Variants in NCKAP5 observed in about 807,000 individuals in gnomAD.
NCKAP5 encodes NCK associated protein 5.
NCKAP5 carries 92 observed loss-of-function variants against 167.0 expected under a neutral mutation model. The ratio of observed to expected loss-of-function variants is 0.55; its 90% CI spans 0.47 to 0.66. The LOEUF is 0.66. NCKAP5 is among the 30% of genes least tolerant of loss of function. The pLI is 0.00. For synonymous variants in NCKAP5, 891 were observed against 877.4 expected, an observed-to-expected ratio of 1.02 and a Z score of -0.27; for missense variants, 2,378 against 2,315.0, an observed-to-expected ratio of 1.03 and a Z score of -0.56.
intron 3 of NCKAP5, among the ~76,000 whole-genome samples, chr2:133,361,721 A>T (rs1418842708): frequency 6.6e-6 from 1 of 152,224 alleles, no homozygotes; most frequent in Non-Finnish European, 1.5e-5. Flanking sequence ...TTGGGTTGTC[A>T]TCCATTACAA....
Position 132,722,248 on chromosome 2 carries a change from T to C in NCKAP5, c.5713+3379A>G, listed in dbSNP as rs151325070. ...GAGTCAGTGAATTTGTTTTAAATCT[T>C]GTCTCCTTTTTCAGGACACTTAGAC... On this transcript the variant is annotated intron_variant, in intron 19 of 19. Coordinates refer to ENST00000409261, the MANE Select transcript of NCKAP5 (RefSeq NM_207363.3). Among the ~76,000 whole-genome samples, 629 of 152,312 alleles carry C rather than the reference T, an allele frequency of 4.1e-3. 6 individuals carry two copies. The highest frequency in any genetic ancestry group is 6.8e-3 in the Middle Eastern group (2 of 294).
chr2:133,110,013 C>A (rs986426802), intron 6 of NCKAP5, among the ~76,000 whole-genome samples: 2 of 152,186 alleles, frequency 1.3e-5, no homozygotes, highest in Non-Finnish European at 2.9e-5. Context: ...AGAAGAAATG[C>A]AATCAAAGAG....
chr2:132,966,320 G>A (rs986339063), intron 7 of NCKAP5, among the ~76,000 whole-genome samples: 3 of 152,042 alleles, frequency 2.0e-5, no homozygotes, highest in Admixed American at 6.6e-5. Flanking sequence ...GGCTGGTCTC[G>A]AACTCCTGAC....
intron 8 of NCKAP5, among the ~76,000 whole-genome samples, chr2:132,946,281 G>A (rs896047272): frequency 3.9e-5 from 6 of 152,152 alleles, no homozygotes; most frequent in Non-Finnish European, 5.9e-5. Flanking sequence ...CTCTGGTAGA[G>A]CCAATATGAG....
At chr2:133,346,421 G>A (rs932308685) in intron 3 of NCKAP5, among the ~76,000 whole-genome samples, 2 of 152,184 alleles carry the variant, frequency 1.3e-5, no homozygotes, top group African/African-American at 2.4e-5. Context: ...GGCCACATAC[G>A]AGTTTGCTGA....
At chr2:133,317,499 G>A (rs1396258312) in intron 3 of NCKAP5, among the ~76,000 whole-genome samples, 1 of 152,108 alleles carries the variant, frequency 6.6e-6, no homozygotes, top group African/African-American at 2.4e-5. Context: ...TTTTGGGGTT[G>A]GGTTCTGTGC....
upstream of NCKAP5, chr2:133,568,479 A>C (rs1249725647): frequency 6.6e-6 from 1 of 152,076 alleles, no homozygotes; most frequent in Non-Finnish European, 1.5e-5. Context: ...TGTAAATACA[A>C]GCTCCGTGGA....
At position 132,934,248 on chromosome 2, in the gene NCKAP5, C is replaced by T. The variant is rs552298706; in HGVS notation, c.579+29472G>A. Among the ~76,000 whole-genome samples, 3 of 152,264 alleles carry T rather than the reference C, an allele frequency of 2.0e-5. No individual in the cohort carries two copies. The South Asian group carries it at 6.2e-4, about 32-fold the overall frequency. On this transcript the variant is annotated intron_variant, in intron 8 of 19. Coordinates refer to ENST00000409261, the MANE Select transcript of NCKAP5 (RefSeq NM_207363.3). Reference sequence around the variant, plus strand: ...CTCTGGTGATGGCAACTAGAAACTACGTGAAGTCATGGATAATTCAACATA... The same window carrying T: ...CTCTGGTGATGGCAACTAGAAACTATGTGAAGTCATGGATAATTCAACATA...
At chr2:133,654,338 A>G in the NCKAP5 span, among the ~76,000 whole-genome samples, 2 of 151,954 alleles carry the variant, frequency 1.3e-5, no homozygotes, top group African/African-American at 4.8e-5. Flanking sequence ...AGATCGCACC[A>G]CTGCACTCCA....
chr2:133,477,705 A>G (rs1383010656), intron 3 of NCKAP5, among the ~76,000 whole-genome samples: 1 of 152,158 alleles, frequency 6.6e-6, no homozygotes, highest in Non-Finnish European at 1.5e-5. Context: ...CACTCTCAAA[A>G]TATCTTACTG....
intron 4 of NCKAP5, among the ~76,000 whole-genome samples, chr2:133,238,918 C>A (rs761015333): frequency 9.9e-5 from 15 of 152,166 alleles, no homozygotes; most frequent in Non-Finnish European, 1.9e-4. Flanking sequence ...CCTTCCCATT[C>A]TCTCAGTCTG....
At chr2:133,531,283 A>G (rs968564090) in intron 2 of NCKAP5, among the ~76,000 whole-genome samples, 12 of 152,266 alleles carry the variant, frequency 7.9e-5, no homozygotes, top group African/African-American at 2.9e-4. Context: ...AAATTACTTC[A>G]ATCATTAATT....
At chr2:133,129,420 T>C (rs1574118055) in intron 6 of NCKAP5, among the ~76,000 whole-genome samples, 1 of 152,212 alleles carries the variant, frequency 6.6e-6, no homozygotes, top group South Asian at 2.1e-4. Flanking sequence ...ACAAAGGACA[T>C]GAACTCTTCA....
chr2:133,495,867 C>G (rs1373824382), intron 3 of NCKAP5, among the ~76,000 whole-genome samples: 6 of 152,180 alleles, frequency 3.9e-5, no homozygotes, highest in Admixed American at 3.3e-4. Flanking sequence ...ATGCCTGCCT[C>G]ATATAGTGTC....
chr2:132,696,018 G>A (rs919125874), intron 19 of NCKAP5, among the ~76,000 whole-genome samples: 3 of 152,114 alleles, frequency 2.0e-5, no homozygotes, highest in Non-Finnish European at 4.4e-5. Flanking sequence ...CCAACACAAG[G>A]TAATAAATCC....
At chr2:133,579,957 C>T in the NCKAP5 span, among the ~76,000 whole-genome samples, 1 of 152,116 alleles carries the variant, frequency 6.6e-6, no homozygotes, top group Admixed American at 6.5e-5. Context: ...ATATTTTTGG[C>T]TTTCATACAT....
At chr2:132,908,484 C>T (rs143019351) in intron 8 of NCKAP5, among the ~76,000 whole-genome samples, 126 of 152,260 alleles carry the variant, frequency 8.3e-4, no homozygotes, top group Middle Eastern at 3.4e-3. Context: ...ATTCTTCTAT[C>T]GAATATCCTC....
intron 16 of NCKAP5, among the ~76,000 whole-genome samples, chr2:132,741,030 T>C (rs939041523): frequency 6.6e-6 from 1 of 152,018 alleles, no homozygotes; most frequent in African/African-American, 2.4e-5. Flanking sequence ...AGGATACAAA[T>C]TGGAAATGGT....
rs550603158 is a variant in NCKAP5 at position 132,695,278 on chromosome 2, A to G, written c.5714-21973T>C. Among the ~76,000 whole-genome samples, 12 of 152,226 alleles carry G rather than the reference A, an allele frequency of 7.9e-5. No individual in the cohort carries two copies. The South Asian group carries it at 2.5e-3, about 32-fold the overall frequency. ...TTGTGAAGGAAGAAGTCTTTTCTCT[A>G]AACGGAAAAAAAAAGTCTGTTATTT... On this transcript the variant is annotated intron_variant, in intron 19 of 19. Coordinates refer to ENST00000409261, the MANE Select transcript of NCKAP5 (RefSeq NM_207363.3).
Sources: allele counts gnomAD v4.1 joint callset (sites outside exome capture counted in the v4.1 genomes callset), GRCh38; gene constraint gnomAD v4.1.1; transcripts MANE v1.5; gene names NCBI Gene and HGNC (gene_info 2026-07-23, HGNC 2026-07-21).